The following GALNT14 variants were observed in gnomAD, a reference collection of about 807,000 sequenced individuals.
The protein encoded by GALNT14 is UDP-GalNAc:polypeptide N-acetylgalactosaminyltransferase 14.
A neutral mutation model predicts 77.5 loss-of-function variants in GALNT14; 60 were observed. The observed-to-expected ratio is 0.77, with a 90% CI of 0.63 to 0.96. The LOEUF is 0.96. Ranked by LOEUF, GALNT14 falls within the 40% of genes least tolerant of loss-of-function variation. GALNT14 has a pLI of 0.00. For synonymous variants in GALNT14, 280 were observed against 281.7 expected, an observed-to-expected ratio of 0.99 and a Z score of 0.06; for missense variants, 710 against 731.0, an observed-to-expected ratio of 0.97 and a Z score of 0.33.
chr2:31,121,183 C>T (rs1678394666), intron 1 of GALNT14, among the ~76,000 whole-genome samples: 2 of 152,194 alleles, frequency 1.3e-5, no homozygotes. Context: ...GTGACTTTGG[C>T]CATGGCCCTG....
At chr2:31,128,198 A>G (rs1211316297) in intron 1 of GALNT14, among the ~76,000 whole-genome samples, 1 of 152,094 alleles carries the variant, frequency 6.6e-6, no homozygotes, top group East Asian at 1.9e-4. Context: ...TCCTCCACAA[A>G]GAGTCTGGTC....
At chr2:31,060,353 A>G (rs1320619210) in intron 1 of GALNT14, among the ~76,000 whole-genome samples, 1 of 152,196 alleles carries the variant, frequency 6.6e-6, no homozygotes, top group Non-Finnish European at 1.5e-5. Context: ...CCTACCACCA[A>G]GGACTTTCTT....
chr2:30,898,155 C>T, the GALNT14 span, among the ~76,000 whole-genome samples: 2 of 152,192 alleles, frequency 1.3e-5, no homozygotes, highest in Non-Finnish European at 2.9e-5. Flanking sequence ...TGAGCTCTCT[C>T]GTCCTCGTTT....
At chr2:31,035,577 G>A (rs867711337) in intron 1 of GALNT14, among the ~76,000 whole-genome samples, 2 of 140,356 alleles carry the variant, frequency 1.4e-5, no homozygotes, top group Non-Finnish European at 3.1e-5. Flanking sequence ...GTATGTGTGT[G>A]TGTGTGTGTA....
intron 9 of GALNT14, among the ~76,000 whole-genome samples, chr2:30,932,861 G>A (rs1665825234): frequency 6.6e-6 from 1 of 152,226 alleles, no homozygotes; most frequent in Non-Finnish European, 1.5e-5. Flanking sequence ...GTTAACTAGA[G>A]CTGAAAGCAG....
At chr2:30,944,270 C>T (rs1466893641) in intron 8 of GALNT14, among the ~76,000 whole-genome samples, 1 of 152,188 alleles carries the variant, frequency 6.6e-6, no homozygotes, top group African/African-American at 2.4e-5. Flanking sequence ...CCCCAGGCCC[C>T]ATGCAAAGCC....
rs924440521 is a variant in GALNT14, at chr2:30,910,737, C to T, written c.*164G>A. Reference sequence around the variant, plus strand: ...AGCCCCATTGGCTTGTGATGTTTTCCTCTGTCCTCCCTGAGACAGTTGCTC... The same window carrying T: ...AGCCCCATTGGCTTGTGATGTTTTCTTCTGTCCTCCCTGAGACAGTTGCTC... On this transcript the variant is annotated 3_prime_UTR_variant, in exon 15 of 15. Coordinates refer to ENST00000349752, the MANE Select transcript of GALNT14 (RefSeq NM_024572.4). 15 of 662,170 alleles carry T rather than the reference C, an allele frequency of 2.3e-5. No homozygotes were observed. The East Asian group carries it at 4.3e-4, about 19-fold the overall frequency. 41.0% of individuals were successfully genotyped at this position (662,170 alleles called of 1,614,324 possible). A position where few individuals can be genotyped will look rare whatever the true frequency, so the allele number is the denominator to read the frequency against.
In GALNT14 at chr2:30,998,655, A is replaced by G. The variant is rs995462479; in HGVS notation, c.130-5648T>C. ...ACATTTAATATTCACAATAATAGGT[A>G]CCAATATTACCTTTCCATAATTGGG... On this transcript the variant is annotated intron_variant, in intron 1 of 14. Coordinates refer to ENST00000349752, the MANE Select transcript of GALNT14 (RefSeq NM_024572.4). Among the ~76,000 whole-genome samples, 4 of 152,322 alleles carry G rather than the reference A, an allele frequency of 2.6e-5. No homozygotes were observed. In the East Asian group the frequency reaches 7.7e-4, roughly 29 times the overall value.
chr2:31,050,384 G>A (rs1376164737), intron 1 of GALNT14, among the ~76,000 whole-genome samples: 1 of 152,198 alleles, frequency 6.6e-6, no homozygotes, highest in African/African-American at 2.4e-5. Context: ...TCTGAACACA[G>A]ATGGACAGGC....
At chr2:31,020,093 C>T (rs995898792) in intron 1 of GALNT14, among the ~76,000 whole-genome samples, 2 of 152,142 alleles carry the variant, frequency 1.3e-5, no homozygotes, top group Non-Finnish European at 2.9e-5. Context: ...GCCATGTGGC[C>T]CCTTCTGCCA....
chr2:31,066,449 G>A (rs1056511557), intron 1 of GALNT14, among the ~76,000 whole-genome samples: 2 of 152,034 alleles, frequency 1.3e-5, no homozygotes, highest in Non-Finnish European at 2.9e-5. Context: ...ATCTTTAAGG[G>A]TCTGGGTTTG....
chr2:31,051,013 C>T (rs1306926025), intron 1 of GALNT14, among the ~76,000 whole-genome samples: 2 of 152,054 alleles, frequency 1.3e-5, no homozygotes, highest in African/African-American at 4.8e-5. Flanking sequence ...AGATGCTGCG[C>T]CACCTCGGAG....
At chr2:31,103,378 A>C (rs1200174305) in intron 1 of GALNT14, among the ~76,000 whole-genome samples, 1 of 152,170 alleles carries the variant, frequency 6.6e-6, no homozygotes, top group Non-Finnish European at 1.5e-5. Flanking sequence ...CCACAGAAGC[A>C]TAGAAAAGGC....
At chr2:31,053,523 T>G (rs1674023657) in intron 1 of GALNT14, among the ~76,000 whole-genome samples, 1 of 152,218 alleles carries the variant, frequency 6.6e-6, no homozygotes, top group African/African-American at 2.4e-5. Flanking sequence ...AGTCTGGTTT[T>G]TGATCAAGAC....
chr2:31,071,906 T>C (rs780538427), intron 1 of GALNT14, among the ~76,000 whole-genome samples: 2 of 152,130 alleles, frequency 1.3e-5, no homozygotes, highest in Admixed American at 1.3e-4. Flanking sequence ...CAGGCCCCCA[T>C]GCAACTGCGC....
At chr2:31,044,658 C>G (rs1003747106) in intron 1 of GALNT14, among the ~76,000 whole-genome samples, 4 of 123,518 alleles carry the variant, frequency 3.2e-5, no homozygotes, top group Non-Finnish European at 5.4e-5. Context: ...TGACTCATGC[C>G]TATAATCCCA....
chr2:30,956,949 C>T lies in GALNT14; in HGVS notation c.467-972G>A, dbSNP rs147360406. Among the ~76,000 whole-genome samples the T allele has an allele frequency of 4.5e-3, 679 of 152,344 alleles. 4 individuals are homozygous for T. Among genetic ancestry groups the T allele is most frequent in the African/African-American group, 0.015 (633 of 41,584 alleles). Reference sequence around the variant, plus strand: ...CTGCTTTTGGAAGGGTCCCACTCAGCATGCCTCCCATTACACAGAGCTGGT... The same window carrying T: ...CTGCTTTTGGAAGGGTCCCACTCAGTATGCCTCCCATTACACAGAGCTGGT... On this transcript the variant is annotated intron_variant, in intron 4 of 14. Transcript: ENST00000349752.
chr2:31,038,017 C>A (rs1454372662), intron 1 of GALNT14, among the ~76,000 whole-genome samples: 1 of 143,796 alleles, frequency 7.0e-6, no homozygotes, highest in African/African-American at 2.6e-5. Flanking sequence ...TGTGGCATCT[C>A]ATTCTCCAGG....
chr2:30,902,664 T>C, the GALNT14 span, among the ~76,000 whole-genome samples: 54 of 152,234 alleles, frequency 3.5e-4, no homozygotes, highest in African/African-American at 1.2e-3. Flanking sequence ...AAAACATAAA[T>C]AATGTCACTT....
Sources: allele counts gnomAD v4.1 joint callset (sites outside exome capture counted in the v4.1 genomes callset), GRCh38; gene constraint gnomAD v4.1.1; transcripts MANE v1.5; gene names NCBI Gene and HGNC (gene_info 2026-07-23, HGNC 2026-07-21).